KCNH7: variants seen among roughly 807,000 people sequenced by gnomAD.
The protein encoded by KCNH7 is potassium voltage-gated channel subfamily H member 7.
A neutral mutation model predicts 120.8 loss-of-function variants in KCNH7; 49 were observed. That is an observed-to-expected ratio of 0.41 (90% CI 0.32 to 0.51). The LOEUF is 0.51. Among genes scored for constraint, KCNH7 ranks in the 20% least tolerant of loss-of-function variants. The probability of loss-of-function intolerance (pLI) is 0.38; values close to 1 mark genes in which losing one functional copy is unlikely to be tolerated. For missense variants in KCNH7, 1,097 were observed against 1,446.6 expected, an observed-to-expected ratio of 0.76 and a Z score of 3.92; for synonymous variants, 547 against 516.1, an observed-to-expected ratio of 1.06 and a Z score of -0.81.
chr2:162,606,006 G>A (rs1232984416), intron 2 of KCNH7, among the ~76,000 whole-genome samples: 3 of 151,852 alleles, frequency 2.0e-5, no homozygotes, highest in African/African-American at 7.3e-5. Context: ...AGTATATTAG[G>A]GGGATGTATT....
intron 2 of KCNH7, among the ~76,000 whole-genome samples, chr2:162,670,680 C>T (rs901673271): frequency 1.3e-5 from 2 of 150,960 alleles, no homozygotes; most frequent in African/African-American, 4.9e-5. Flanking sequence ...CTAGGATAAC[C>T]TGTAATGATT....
chr2:162,834,095 A>G (rs1237491858), intron 2 of KCNH7, among the ~76,000 whole-genome samples: 2 of 152,114 alleles, frequency 1.3e-5, no homozygotes, highest in Non-Finnish European at 2.9e-5. Context: ...TCCTCCTTCC[A>G]GCTTTTATAA....
chr2:162,560,081 G>A (rs913691423), intron 2 of KCNH7, among the ~76,000 whole-genome samples: 3 of 152,168 alleles, frequency 2.0e-5, no homozygotes, highest in Non-Finnish European at 4.4e-5. Context: ...GATAAACTTC[G>A]AAAAGTAGAG....
chr2:162,398,672 C>T (rs1263562316), intron 10 of KCNH7, among the ~76,000 whole-genome samples: 2 of 151,864 alleles, frequency 1.3e-5, no homozygotes, highest in African/African-American at 4.8e-5. Context: ...CTTAGCAACA[C>T]TCTAAAATTA....
intron 2 of KCNH7, among the ~76,000 whole-genome samples, chr2:162,783,472 C>G (rs1683580418): frequency 6.6e-6 from 1 of 152,150 alleles, no homozygotes; most frequent in Non-Finnish European, 1.5e-5. Flanking sequence ...TTGGCTCAGG[C>G]CAACAATGTT....
At chr2:162,566,748 T>C (rs961822158) in intron 2 of KCNH7, among the ~76,000 whole-genome samples, 1 of 152,044 alleles carries the variant, frequency 6.6e-6, no homozygotes, top group African/African-American at 2.4e-5. Context: ...GCAAAGGTTA[T>C]GGTCAGGTAG....
At chr2:162,773,010 G>A (rs995948798) in intron 2 of KCNH7, among the ~76,000 whole-genome samples, 1 of 152,186 alleles carries the variant, frequency 6.6e-6, no homozygotes, top group African/African-American at 2.4e-5. Context: ...TTGTTGCAAA[G>A]TTTCACCTCA....
chr2:162,621,075 T>G (rs1157014256), intron 2 of KCNH7, among the ~76,000 whole-genome samples: 1 of 152,086 alleles, frequency 6.6e-6, no homozygotes, highest in Non-Finnish European at 1.5e-5. Flanking sequence ...CTCTTTCATT[T>G]CACACCTTCT....
intron 2 of KCNH7, among the ~76,000 whole-genome samples, chr2:162,754,828 T>C (rs1688728813): frequency 6.6e-6 from 1 of 152,156 alleles, no homozygotes; most frequent in Admixed American, 6.5e-5. Context: ...TTAGCAAACT[T>C]TTGGAGACTG....
chr2:162,411,509 A>G (rs1687391783), intron 9 of KCNH7, among the ~76,000 whole-genome samples: 2 of 151,996 alleles, frequency 1.3e-5, no homozygotes, highest in Admixed American at 1.3e-4. Flanking sequence ...ACTGGGCACT[A>G]TGTTCACTAC....
chr2:162,444,892 A>G (rs75697689), intron 7 of KCNH7, among the ~76,000 whole-genome samples: 4,239 of 152,080 alleles, frequency 0.028, 200 homozygotes, highest in African/African-American at 0.097. Context: ...GCTGAGTCAC[A>G]TGTACTATCT....
chr2:162,665,830 C>A (rs1685113984), intron 2 of KCNH7, among the ~76,000 whole-genome samples: 1 of 152,072 alleles, frequency 6.6e-6, no homozygotes, highest in Non-Finnish European at 1.5e-5. Context: ...CGCTTCTTTG[C>A]ATATTTTTTC....
chr2:162,706,361 T>C (rs543367583), intron 2 of KCNH7, among the ~76,000 whole-genome samples: 1 of 152,258 alleles, frequency 6.6e-6, no homozygotes, highest in Admixed American at 6.6e-5. Flanking sequence ...TTATTGATAA[T>C]GATGATTTGA....
At chr2:162,710,662 A>G (rs1201622148) in intron 2 of KCNH7, among the ~76,000 whole-genome samples, 1 of 152,182 alleles carries the variant, frequency 6.6e-6, no homozygotes, top group Non-Finnish European at 1.5e-5. Context: ...GTAGGTATAT[A>G]ACACAAGGAC....
chr2:162,702,018 A>G (rs56907688), intron 2 of KCNH7, among the ~76,000 whole-genome samples: 1 of 149,842 alleles, frequency 6.7e-6, no homozygotes, highest in African/African-American at 2.5e-5. Flanking sequence ...AAAAAAAAAA[A>G]GAAAAAAAAC....
intron 9 of KCNH7, among the ~76,000 whole-genome samples, chr2:162,417,101 G>A (rs1435447202): frequency 6.6e-6 from 1 of 152,048 alleles, no homozygotes; most frequent in African/African-American, 2.4e-5. Context: ...CATATTGGGT[G>A]GACCATTTTC....
intron 4 of KCNH7, among the ~76,000 whole-genome samples, chr2:162,513,975 C>T (rs1691199157): frequency 1.3e-5 from 2 of 151,686 alleles, no homozygotes; most frequent in Non-Finnish European, 2.9e-5. Context: ...TTGCCACTAA[C>T]AAAATATGCA....
At chr2:162,687,621 A>G (rs1429651141) in intron 2 of KCNH7, among the ~76,000 whole-genome samples, 1 of 152,088 alleles carries the variant, frequency 6.6e-6, no homozygotes, top group African/African-American at 2.4e-5. Flanking sequence ...TTACACCACG[A>G]AAGTTGGCAA....
At chr2:162,591,754 T>A (rs1694223214) in intron 2 of KCNH7, among the ~76,000 whole-genome samples, 1 of 152,146 alleles carries the variant, frequency 6.6e-6, no homozygotes, top group Non-Finnish European at 1.5e-5. Flanking sequence ...TGAAATATGT[T>A]CTTATTTTAG....
Sources: allele counts gnomAD v4.1 joint callset (sites outside exome capture counted in the v4.1 genomes callset), GRCh38; gene constraint gnomAD v4.1.1; transcripts MANE v1.5; gene names NCBI Gene and HGNC (gene_info 2026-07-23, HGNC 2026-07-21).